The following NRG3 variants were observed in gnomAD, a reference collection of about 807,000 sequenced individuals.
NRG3 encodes pro-neuregulin-3, membrane-bound isoform.
A neutral mutation model predicts 66.9 loss-of-function variants in NRG3; 31 were observed. The observed-to-expected ratio is 0.46, with a 90% CI of 0.35 to 0.63. NRG3 has a LOEUF of 0.63. Ranked by LOEUF, NRG3 falls within the 20% of genes least tolerant of loss-of-function variation. The pLI is 0.00. For synonymous variants in NRG3, 393 were observed against 359.4 expected, an observed-to-expected ratio of 1.09 and a Z score of -1.06; for missense variants, 910 against 878.9, an observed-to-expected ratio of 1.04 and a Z score of -0.45.
chr10:82,014,074 C>A (rs2061688189), intron 1 of NRG3, among the ~76,000 whole-genome samples: 1 of 152,066 alleles, frequency 6.6e-6, no homozygotes, highest in Non-Finnish European at 1.5e-5. Context: ...GAAGGGCATA[C>A]CTACCACAGT....
At chr10:82,652,418 A>G (rs561316653) in intron 2 of NRG3, among the ~76,000 whole-genome samples, 41 of 152,156 alleles carry the variant, frequency 2.7e-4, no homozygotes, top group Non-Finnish European at 4.7e-4. Context: ...GGGGAGCTGA[A>G]AAGGGGACAG....
chr10:82,628,744 CAGT>C (rs1167560804), intron 2 of NRG3, among the ~76,000 whole-genome samples: 3 of 152,272 alleles, frequency 2.0e-5, no homozygotes, highest in Non-Finnish European at 4.4e-5. Flanking sequence ...ATTTCAGGAA[CAGT>C]TACGGAAGTA....
At chr10:82,392,561 G>T (rs1034722463) in intron 2 of NRG3, among the ~76,000 whole-genome samples, 1 of 152,118 alleles carries the variant, frequency 6.6e-6, no homozygotes, top group African/African-American at 2.4e-5. Context: ...CAGAAAATAG[G>T]CTAAGAGCAT....
chr10:81,993,917 A>T (rs1172683925), intron 1 of NRG3, among the ~76,000 whole-genome samples: 1 of 152,164 alleles, frequency 6.6e-6, no homozygotes, highest in Non-Finnish European at 1.5e-5. Context: ...TTGCTATTTA[A>T]TATAGTGTGA....
chr10:82,513,003 T>C (rs904030306), intron 2 of NRG3, among the ~76,000 whole-genome samples: 1 of 152,214 alleles, frequency 6.6e-6, no homozygotes, highest in Non-Finnish European at 1.5e-5. Context: ...TGCAGGTTTG[T>C]TACATAGGTA....
At chr10:82,626,412 A>G (rs1470549064) in intron 2 of NRG3, among the ~76,000 whole-genome samples, 1 of 152,140 alleles carries the variant, frequency 6.6e-6, no homozygotes, top group Non-Finnish European at 1.5e-5. Flanking sequence ...AGGCTTCCAT[A>G]CTGACCATGA....
chr10:82,713,413 T>C (rs1207014964), intron 2 of NRG3, among the ~76,000 whole-genome samples: 2 of 152,168 alleles, frequency 1.3e-5, no homozygotes, highest in African/African-American at 4.8e-5. Context: ...GATTTCAGTA[T>C]GGTTAAAGGT....
intron 4 of NRG3, among the ~76,000 whole-genome samples, chr10:82,899,545 A>G (rs1844006028): frequency 6.6e-6 from 1 of 152,156 alleles, no homozygotes; most frequent in South Asian, 2.1e-4. Context: ...CTACCTGTGC[A>G]TTTCTTAGAA....
At chr10:82,736,383 G>A (rs1225740555) in intron 2 of NRG3, among the ~76,000 whole-genome samples, 1 of 152,194 alleles carries the variant, frequency 6.6e-6, no homozygotes, top group Non-Finnish European at 1.5e-5. Context: ...GGTGACATAT[G>A]TGTGATTTTT....
intron 2 of NRG3, among the ~76,000 whole-genome samples, chr10:82,643,906 A>C (rs75310618): frequency 0.09 from 189 of 2,100 alleles, no homozygotes; most frequent in African/African-American, 0.35. Context: ...ACACACACCC[A>C]CACACACACA....
chr10:81,970,984 A>G (rs965843597), intron 1 of NRG3, among the ~76,000 whole-genome samples: 9 of 152,148 alleles, frequency 5.9e-5, no homozygotes, highest in African/African-American at 2.2e-4. Flanking sequence ...TACTAAAGAT[A>G]CAAAAATTAG....
intron 1 of NRG3, among the ~76,000 whole-genome samples, chr10:81,900,085 T>C (rs891458030): frequency 5.3e-5 from 8 of 152,144 alleles, no homozygotes; most frequent in Non-Finnish European, 1.2e-4. Context: ...TAGCTGGGAT[T>C]GCAGGCGCCT....
chr10:82,033,082 TAGGA>T (rs1370404929), intron 1 of NRG3, among the ~76,000 whole-genome samples: 1 of 152,096 alleles, frequency 6.6e-6, no homozygotes, highest in Non-Finnish European at 1.5e-5. Flanking sequence ...AATTATAGAT[TAGGA>T]ATATTGAAAA....
At chr10:82,442,530 G>C (rs561093424) in intron 2 of NRG3, among the ~76,000 whole-genome samples, 1 of 152,074 alleles carries the variant, frequency 6.6e-6, no homozygotes, top group African/African-American at 2.4e-5. Context: ...CTTCAAGAAG[G>C]CTTATGGAAC....
intron 2 of NRG3, among the ~76,000 whole-genome samples, chr10:82,550,548 A>G (rs1003672401): frequency 6.6e-6 from 1 of 152,112 alleles, no homozygotes; most frequent in Admixed American, 6.6e-5. Flanking sequence ...ATGGGCTTAC[A>G]TTGCAGCTGC....
chr10:81,955,264 C>T (rs948453260), intron 1 of NRG3, among the ~76,000 whole-genome samples: 4 of 151,400 alleles, frequency 2.6e-5, no homozygotes, highest in South Asian at 4.1e-4. Context: ...GAAGCTGGAT[C>T]TGGTTAAGTC....
At chr10:82,262,612 A>G (rs1044840225) in intron 1 of NRG3, among the ~76,000 whole-genome samples, 1 of 152,238 alleles carries the variant, frequency 6.6e-6, no homozygotes, top group Non-Finnish European at 1.5e-5. Context: ...GTGTTAGGTA[A>G]TAATCAGGTC....
chr10:82,744,475 A>G (rs961865155), intron 3 of NRG3, among the ~76,000 whole-genome samples: 19 of 152,074 alleles, frequency 1.2e-4, no homozygotes, highest in Admixed American at 9.8e-4. Context: ...CTTGAATCCT[A>G]TTCATGAGGA....
intron 1 of NRG3, among the ~76,000 whole-genome samples, chr10:82,061,861 T>A (rs7070124): frequency 0.35 from 52,062 of 147,522 alleles, 9,414 homozygotes; most frequent in South Asian, 0.48. Flanking sequence ...TCTCTCTCTC[T>A]CACACACACA....
Sources: allele counts gnomAD v4.1 joint callset (sites outside exome capture counted in the v4.1 genomes callset), GRCh38; gene constraint gnomAD v4.1.1; transcripts MANE v1.5; gene names NCBI Gene and HGNC (gene_info 2026-07-23, HGNC 2026-07-21).